The following KCNAB1 variants were observed in gnomAD, a reference collection of about 807,000 sequenced individuals.
The protein encoded by KCNAB1 is voltage-gated potassium channel subunit beta-1.
A neutral mutation model predicts 64.6 loss-of-function variants in KCNAB1; 35 were observed. The observed-to-expected ratio is 0.54, with a 90% CI of 0.41 to 0.72. KCNAB1 has a LOEUF of 0.72. KCNAB1 is among the 30% of genes least tolerant of loss of function. The pLI is 0.00. For synonymous variants in KCNAB1, 177 were observed against 183.8 expected, an observed-to-expected ratio of 0.96 and a Z score of 0.30; for missense variants, 401 against 512.9, an observed-to-expected ratio of 0.78 and a Z score of 2.11.
intron 1 of KCNAB1, among the ~76,000 whole-genome samples, chr3:156,172,403 C>G (rs1212197589): frequency 6.6e-6 from 1 of 152,028 alleles, no homozygotes; most frequent in Admixed American, 6.6e-5. Context: ...CCTCAGCCTC[C>G]TGAGTAGCGG....
intron 1 of KCNAB1, among the ~76,000 whole-genome samples, chr3:156,182,631 C>A (rs978858367): frequency 2.1e-5 from 3 of 144,888 alleles, no homozygotes; most frequent in African/African-American, 7.4e-5. Context: ...TTTTTTTTTC[C>A]CCCCCCCGGG....
At chr3:156,365,820 G>A (rs1448077153) in intron 1 of KCNAB1, among the ~76,000 whole-genome samples, 1 of 152,178 alleles carries the variant, frequency 6.6e-6, no homozygotes, top group Non-Finnish European at 1.5e-5. Context: ...GGAGTTTACA[G>A]CCTCATACAA....
chr3:156,127,916 T>C (rs925895370), intron 1 of KCNAB1, among the ~76,000 whole-genome samples: 6 of 150,040 alleles, frequency 4.0e-5, no homozygotes, highest in Non-Finnish European at 7.5e-5. Context: ...TGTGTGTGTG[T>C]GTGCACGTGC....
chr3:156,497,928 A>G (rs183900862), intron 8 of KCNAB1, among the ~76,000 whole-genome samples: 56 of 152,326 alleles, frequency 3.7e-4, no homozygotes, highest in Non-Finnish European at 7.1e-4. Flanking sequence ...CATGGACTGC[A>G]TATTTATTTT....
At chr3:156,151,555 C>T (rs918204806) in intron 1 of KCNAB1, among the ~76,000 whole-genome samples, 3 of 152,112 alleles carry the variant, frequency 2.0e-5, no homozygotes, top group African/African-American at 4.8e-5. Context: ...GCTATTTATT[C>T]CTTAACATAT....
At chr3:156,238,956 G>T (rs2108445951) in intron 1 of KCNAB1, among the ~76,000 whole-genome samples, 1 of 152,204 alleles carries the variant, frequency 6.6e-6, no homozygotes, top group African/African-American at 2.4e-5. Flanking sequence ...ATTAATTAAA[G>T]AAACTTAAGT....
chr3:156,119,632 G>C (rs112381619), upstream of KCNAB1, among the ~76,000 whole-genome samples: 1 of 152,176 alleles, frequency 6.6e-6, no homozygotes, highest in African/African-American at 2.4e-5. Context: ...AGTTGATTGA[G>C]GGGGAGGGTG....
In KCNAB1 at chr3:156,157,068, TC is replaced by T. The variant is rs567484832; in HGVS notation, c.275+36183del. Reference sequence around the variant, plus strand: ...CAGGATCAAACAAAAGAGAGAAAGATCAAGTATGTTCAATACTACTGCTAGG... The same window carrying T: ...CAGGATCAAACAAAAGAGAGAAAGATAAGTATGTTCAATACTACTGCTAGG... On this transcript the variant is annotated intron_variant, in intron 1 of 13. Coordinates refer to ENST00000490337, the MANE Select transcript of KCNAB1 (RefSeq NM_172160.3). Among the ~76,000 whole-genome samples the T allele has an allele frequency of 2.4e-4, 36 of 151,936 alleles. No homozygotes were observed. In the East Asian group the frequency reaches 6.6e-3, roughly 28 times the overall value.
chr3:156,182,890 G>A (rs1362807567), intron 1 of KCNAB1, among the ~76,000 whole-genome samples: 4 of 151,302 alleles, frequency 2.6e-5, no homozygotes, highest in South Asian at 2.1e-4. Context: ...ATTAGAGACC[G>A]GGTTTCACCA....
At chr3:156,237,706 T>A (rs140704363) in intron 1 of KCNAB1, among the ~76,000 whole-genome samples, 3 of 152,362 alleles carry the variant, frequency 2.0e-5, no homozygotes, top group Admixed American at 2.0e-4. Flanking sequence ...TCTTAACATT[T>A]GTGCTTCAGG....
At chr3:156,123,134 A>G (rs1394122046) in intron 1 of KCNAB1, among the ~76,000 whole-genome samples, 1 of 152,228 alleles carries the variant, frequency 6.6e-6, no homozygotes, top group African/African-American at 2.4e-5. Flanking sequence ...TGATATCTCC[A>G]TTAGAAACTT....
intron 1 of KCNAB1, chr3:156,143,334 C>T (rs774915458): frequency 9.9e-6 from 16 of 1,612,230 alleles, no homozygotes; most frequent in African/African-American, 4.0e-5. Flanking sequence ...GTGGAGCAGC[C>T]GAACAGAAAT....
In KCNAB1 at chr3:156,514,909, A is replaced by G. The variant is rs546208492; in HGVS notation, c.745-191A>G. The stretch of plus-strand genomic sequence containing the variant: ...CAATCCAAACCCTCCCAAAGAATTA[A>G]TAAGGGTTTCCTACCTTTCATATTG... On this transcript the variant is annotated intron_variant, in intron 9 of 13. Coordinates refer to ENST00000490337, the MANE Select transcript of KCNAB1 (RefSeq NM_172160.3). Among the ~76,000 whole-genome samples, 170 of 152,348 alleles carry G rather than the reference A, an allele frequency of 1.1e-3. No homozygotes were observed. In the Middle Eastern group the frequency reaches 0.02, roughly 18 times the overall value.
intron 1 of KCNAB1, among the ~76,000 whole-genome samples, chr3:156,175,693 C>A (rs1712322399): frequency 6.6e-6 from 1 of 152,180 alleles, no homozygotes. Flanking sequence ...CTTAGTCATC[C>A]TGGTGAAATG....
At chr3:156,509,175 GA>G (rs940990118) in intron 8 of KCNAB1, among the ~76,000 whole-genome samples, 3 of 152,204 alleles carry the variant, frequency 2.0e-5, no homozygotes, top group Admixed American at 6.5e-5. Flanking sequence ...ATTATAGCAT[GA>G]AGCACTTGGG....
intron 1 of KCNAB1, among the ~76,000 whole-genome samples, chr3:156,357,812 A>G (rs1725360590): frequency 6.7e-6 from 1 of 148,562 alleles, no homozygotes; most frequent in Non-Finnish European, 1.5e-5. Flanking sequence ...AATATTATAT[A>G]TTTAATTATA....
intron 1 of KCNAB1, among the ~76,000 whole-genome samples, chr3:156,128,088 G>A (rs1713769636): frequency 6.6e-6 from 1 of 152,178 alleles, no homozygotes; most frequent in Admixed American, 6.5e-5. Context: ...TGCCGCTACA[G>A]GGAATGGGCT....
At chr3:156,327,064 A>G (rs1038748484) in intron 1 of KCNAB1, among the ~76,000 whole-genome samples, 4 of 152,310 alleles carry the variant, frequency 2.6e-5, no homozygotes, top group African/African-American at 7.2e-5. Context: ...AAAGTTTACT[A>G]CACCAAATTA....
chr3:156,155,169 G>A (rs191393146), intron 1 of KCNAB1, among the ~76,000 whole-genome samples: 1 of 152,152 alleles, frequency 6.6e-6, no homozygotes, highest in East Asian at 1.9e-4. Context: ...CGCTGTTTTT[G>A]GTACACTATC....
Sources: allele counts gnomAD v4.1 joint callset (sites outside exome capture counted in the v4.1 genomes callset), GRCh38; gene constraint gnomAD v4.1.1; transcripts MANE v1.5; gene names NCBI Gene and HGNC (gene_info 2026-07-23, HGNC 2026-07-21).